The following CNOT2 variants were observed in gnomAD, a reference collection of about 807,000 sequenced individuals.
CNOT2 encodes CC chemokine receptor 4-negative regulator of transcription 2.
CNOT2 carries 7 observed loss-of-function variants against 72.1 expected under a neutral mutation model. The observed-to-expected ratio is 0.10, with a 90% confidence interval of 0.06 to 0.18. The LOEUF is 0.18. CNOT2 is among the 10% of genes least tolerant of loss of function. The pLI, the probability that CNOT2 is intolerant of heterozygous loss-of-function variation, is 1.00. For missense variants in CNOT2, 345 were observed against 660.3 expected (o/e 0.52, Z 5.23); for synonymous variants, 196 against 225.6 (o/e 0.87, Z 1.17).
At chr12:70,275,503 G>A (rs553695636) in intron 1 of CNOT2, among the ~76,000 whole-genome samples, 13 of 152,084 alleles carry the variant, frequency 8.5e-5, no homozygotes, top group Non-Finnish European at 1.3e-4. Context: ...TTTTCTTGAC[G>A]ATCTCTGTCC....
At chr12:70,343,844 C>CT (rs1881826063) in intron 13 of CNOT2, 1 of 277,048 alleles carries the variant, frequency 3.6e-6, no homozygotes, top group Non-Finnish European at 6.7e-6. Context: ...GTATTAAATC[C>CT]TTTTAGTGGA....
chr12:70,279,817 A>G (rs148806741), intron 2 of CNOT2, among the ~76,000 whole-genome samples: 4 of 152,276 alleles, frequency 2.6e-5, no homozygotes, highest in African/African-American at 9.6e-5. Flanking sequence ...AAGAAAACAG[A>G]ATTATGTTTT....
chr12:70,319,581 T>C (rs1180989558), intron 4 of CNOT2, among the ~76,000 whole-genome samples: 1 of 151,832 alleles, frequency 6.6e-6, no homozygotes, highest in Non-Finnish European at 1.5e-5. Flanking sequence ...TAGCATAGAT[T>C]GAAATTTATT....
chr12:70,326,510 T>A (rs1289124485), intron 4 of CNOT2, among the ~76,000 whole-genome samples: 1 of 151,556 alleles, frequency 6.6e-6, no homozygotes, highest in Non-Finnish European at 1.5e-5. Flanking sequence ...ATTTTAGAGA[T>A]GATTTTTCTG....
At chr12:70,338,876 G>C (rs1881061695) in intron 11 of CNOT2, 54 bp downstream of exon 11, 2 of 1,426,916 alleles carry the variant, frequency 1.4e-6, no homozygotes, top group South Asian at 2.5e-5. Flanking sequence ...CAGACTTCCA[G>C]TTTTTAATAT....
chr12:70,339,504 C>T (rs904253482), intron 11 of CNOT2, among the ~76,000 whole-genome samples: 5 of 152,060 alleles, frequency 3.3e-5, no homozygotes, highest in Non-Finnish European at 7.4e-5. Flanking sequence ...TGTTGTTATA[C>T]TTGCATGGCC....
At chr12:70,262,857 G>A (rs1183991171) in intron 1 of CNOT2, among the ~76,000 whole-genome samples, 4 of 152,030 alleles carry the variant, frequency 2.6e-5, no homozygotes, top group Non-Finnish European at 5.9e-5. Context: ...ATTTTTTGTA[G>A]AGATGGAGTT....
intron 4 of CNOT2, chr12:70,322,331 T>G (rs1878432002): frequency 1.3e-5 from 2 of 151,786 alleles, no homozygotes; most frequent in Non-Finnish European, 2.9e-5. Flanking sequence ...TCAAGACCCA[T>G]GAGCTCCCTT....
chr12:70,302,899 C>G (rs564321165), intron 2 of CNOT2, among the ~76,000 whole-genome samples: 1 of 152,144 alleles, frequency 6.6e-6, no homozygotes, highest in East Asian at 1.9e-4. Flanking sequence ...TTTGGGTGCT[C>G]CTGTATTGGG....
chr12:70,305,873 GTT>G (rs11412509), intron 2 of CNOT2, among the ~76,000 whole-genome samples: 34 of 60,104 alleles, frequency 5.7e-4, no homozygotes, highest in African/African-American at 1.7e-3. Flanking sequence ...TCTGAAGTTT[GTT>G]TTTTTTTTTT....
chr12:70,320,443 T>G (rs1387503720), intron 4 of CNOT2, among the ~76,000 whole-genome samples: 1 of 151,776 alleles, frequency 6.6e-6, no homozygotes, highest in Non-Finnish European at 1.5e-5. Context: ...TCTTTTTTGC[T>G]ATGGAACACA....
Position 70,301,359 on chromosome 12 carries a change from G to T in CNOT2, c.49-9536G>T, listed in dbSNP as rs566766110. On this transcript the variant is annotated intron_variant, in intron 2 of 15. Coordinates refer to ENST00000229195, the MANE Select transcript of CNOT2 (RefSeq NM_014515.7). ...TCACTGTGATACTGGCTGTGGGTTT[G>T]TCATAGATAGCTCTTATTATTTTGA... Among the ~76,000 whole-genome samples the T allele has an allele frequency of 1.1e-4, 16 of 152,228 alleles. No individual in the cohort carries two copies. The South Asian group carries it at 3.3e-3, about 32-fold the overall frequency.
intron 13 of CNOT2, among the ~76,000 whole-genome samples, chr12:70,343,731 A>G (rs1881801990): frequency 6.6e-6 from 1 of 152,196 alleles, no homozygotes; most frequent in Non-Finnish European, 1.5e-5. Context: ...GAGATTTTAA[A>G]TAACTAGGAC....
chr12:70,280,901 T>C (rs1869699349), intron 2 of CNOT2, among the ~76,000 whole-genome samples: 1 of 152,162 alleles, frequency 6.6e-6, no homozygotes, highest in African/African-American at 2.4e-5. Flanking sequence ...GATAAAACAA[T>C]TTATTATATG....
At chr12:70,305,042 T>C (rs531888014) in intron 2 of CNOT2, among the ~76,000 whole-genome samples, 1 of 152,060 alleles carries the variant, frequency 6.6e-6, no homozygotes, top group Non-Finnish European at 1.5e-5. Flanking sequence ...AGGGTGGGAG[T>C]GACCCGATTT....
intron 1 of CNOT2, among the ~76,000 whole-genome samples, chr12:70,253,917 G>A (rs1958281148): frequency 6.6e-6 from 1 of 151,984 alleles, no homozygotes; most frequent in Non-Finnish European, 1.5e-5. Flanking sequence ...TGCACATTAG[G>A]TACAATAAGA....
chr12:70,269,034 A>G (rs1308986939), intron 1 of CNOT2, among the ~76,000 whole-genome samples: 2 of 152,100 alleles, frequency 1.3e-5, no homozygotes, highest in Non-Finnish European at 2.9e-5. Flanking sequence ...TGTATAATTT[A>G]TGTCTTTCCC....
intron 1 of CNOT2, among the ~76,000 whole-genome samples, chr12:70,246,645 A>C (rs957869339): frequency 1.3e-5 from 2 of 152,180 alleles, no homozygotes; most frequent in African/African-American, 4.8e-5. Flanking sequence ...GATATTTTGA[A>C]AAGAGCTGTG....
chr12:70,315,749 T>C (rs1190694014), intron 3 of CNOT2, among the ~76,000 whole-genome samples: 2 of 152,196 alleles, frequency 1.3e-5, no homozygotes, highest in East Asian at 1.9e-4. Context: ...ATTATTATGA[T>C]GATTTTAGAG....
Sources: allele counts gnomAD v4.1 joint callset (sites outside exome capture counted in the v4.1 genomes callset), GRCh38; gene constraint gnomAD v4.1.1; transcripts MANE v1.5; gene names NCBI Gene and HGNC (gene_info 2026-07-23, HGNC 2026-07-21).